Variants in NR5A2 observed in about 807,000 individuals in gnomAD.
NR5A2 encodes the protein nuclear receptor subfamily 5 group A member 2.
In NR5A2, 26 loss-of-function variants were observed where a neutral mutation model predicts 62.7. The ratio of observed to expected loss-of-function variants is 0.41; its 90% CI spans 0.30 to 0.58. NR5A2 has a LOEUF of 0.58. Among genes scored for constraint, NR5A2 ranks in the 20% least tolerant of loss-of-function variants. The pLI, the probability that NR5A2 is intolerant of heterozygous loss-of-function variation, is 0.22. For synonymous variants in NR5A2, 246 were observed against 241.7 expected (o/e 1.02, Z -0.16); for missense variants, 541 against 669.1 (o/e 0.81, Z 2.11).
chr1:200,118,023 T>TC (rs1402277839), intron 6 of NR5A2, among the ~76,000 whole-genome samples: 49 of 139,592 alleles, frequency 3.5e-4, no homozygotes, highest in Admixed American at 1.1e-3. Flanking sequence ...CTTTTTCTTT[T>TC]TTTTTTTTTT....
chr1:200,165,144 TG>T (rs1174562502), intron 7 of NR5A2, among the ~76,000 whole-genome samples: 2 of 152,174 alleles, frequency 1.3e-5, no homozygotes, highest in Non-Finnish European at 2.9e-5. Flanking sequence ...CCCAAAGTGC[TG>T]GGATTACAGG....
chr1:200,100,065 TCTG>T (rs1195119713), intron 5 of NR5A2, among the ~76,000 whole-genome samples: 4 of 152,240 alleles, frequency 2.6e-5, no homozygotes, highest in Admixed American at 6.5e-5. Flanking sequence ...TGAGAAGGAT[TCTG>T]TTTTTATTAC....
intron 7 of NR5A2, among the ~76,000 whole-genome samples, chr1:200,168,092 G>A (rs565180883): frequency 2.5e-4 from 38 of 152,134 alleles, no homozygotes; most frequent in African/African-American, 8.2e-4. Flanking sequence ...GTGTATACAC[G>A]AAGGTATGAA....
At chr1:200,095,767 T>C (rs1665065542) in intron 5 of NR5A2, among the ~76,000 whole-genome samples, 1 of 152,064 alleles carries the variant, frequency 6.6e-6, no homozygotes, top group Non-Finnish European at 1.5e-5. Context: ...TTAGCCAGGA[T>C]GGTGTCGATC....
chr1:200,133,550 CATATAT>C (rs1178773232), intron 7 of NR5A2, among the ~76,000 whole-genome samples: 2 of 45,752 alleles, frequency 4.4e-5, no homozygotes, highest in East Asian at 6.8e-4. Flanking sequence ...TATATATACA[CATATAT>C]ACACACATAT....
chr1:200,174,208 TAA>T lies in NR5A2; in HGVS notation c.1625_1626del (p.Ter542CysfsTer5), dbSNP rs1309886705. 1.9e-5 allele frequency: 30 copies of T among 1,587,604 alleles called. No individual in the cohort carries two copies. The highest frequency in any genetic ancestry group is 2.3e-5 in the Non-Finnish European group (27 of 1,165,364). ...TGAAATGTTGCATGCCAAAAGAGCA[TAA>T]GTTACAACCCCTAGGAGCTCTGCTT... ...LIEMLHAKRA[*>X] is the part of the protein sequence containing the mutation. On this transcript the variant is annotated frameshift_variant and stop_lost, in exon 8 of 8. Coordinates refer to ENST00000367362, the MANE Select transcript of NR5A2 (RefSeq NM_205860.3). LOFTEE classifies it high-confidence loss of function.
chr1:200,043,751 A>T (rs1470988222), intron 2 of NR5A2, 23 bp from the exon 3 acceptor site: 1 of 1,456,716 alleles, frequency 6.9e-7, no homozygotes, highest in Non-Finnish European at 9.6e-7. Context: ...GAATATGTGT[A>T]TACATTTCTC....
At chr1:200,038,116 A>T (rs1571695350) in intron 1 of NR5A2, among the ~76,000 whole-genome samples, 1 of 152,156 alleles carries the variant, frequency 6.6e-6, no homozygotes, top group African/African-American at 2.4e-5. Context: ...TTGGGAGGAG[A>T]TCTGAAAACT....
chr1:200,126,362 A>G (rs1159680919), intron 7 of NR5A2, among the ~76,000 whole-genome samples: 1 of 152,058 alleles, frequency 6.6e-6, no homozygotes, highest in Non-Finnish European at 1.5e-5. Flanking sequence ...TTTCTTAGTG[A>G]AGCAAAGTTC....
chr1:200,095,957 C>T (rs1329595951), intron 5 of NR5A2, among the ~76,000 whole-genome samples: 1 of 152,138 alleles, frequency 6.6e-6, no homozygotes, highest in Non-Finnish European at 1.5e-5. Context: ...TGCTTTGGTT[C>T]TCTAACTTGT....
chr1:200,098,848 C>T (rs1241523516), intron 5 of NR5A2, among the ~76,000 whole-genome samples: 2 of 152,160 alleles, frequency 1.3e-5, no homozygotes, highest in Non-Finnish European at 2.9e-5. Context: ...TCTTAGCATG[C>T]TATGTTTAGG....
chr1:200,068,801 T>C (rs1041417843), intron 5 of NR5A2, among the ~76,000 whole-genome samples: 3 of 152,184 alleles, frequency 2.0e-5, no homozygotes, highest in South Asian at 2.1e-4. Flanking sequence ...TTGTGTAGAA[T>C]ATCATTTGGG....
chr1:200,037,374 G>A lies in NR5A2; in HGVS notation c.65-2284G>A, dbSNP rs1661829223. Among the ~76,000 whole-genome samples the A allele has an allele frequency of 2.0e-5, 3 of 152,294 alleles. 1 individual carries two copies. The South Asian group carries it at 6.2e-4, about 32-fold the overall frequency. ...CTAGGGGTTGGAGGTTTCCTCTTAGGACCAAGCGTTTGGAGTCCTGCATCC... is the reference window on the plus strand; with the variant it reads ...CTAGGGGTTGGAGGTTTCCTCTTAGAACCAAGCGTTTGGAGTCCTGCATCC... On this transcript the variant is annotated intron_variant, in intron 1 of 7. Coordinates refer to ENST00000367362, the MANE Select transcript of NR5A2 (RefSeq NM_205860.3).
intron 7 of NR5A2, among the ~76,000 whole-genome samples, chr1:200,165,533 A>G (rs1483008619): frequency 6.6e-6 from 1 of 152,182 alleles, no homozygotes; most frequent in Non-Finnish European, 1.5e-5. Flanking sequence ...ACTACTGGCA[A>G]CCACCCATCT....
chr1:200,104,050 G>A (rs1163758119), intron 5 of NR5A2, among the ~76,000 whole-genome samples: 2 of 152,122 alleles, frequency 1.3e-5, no homozygotes, highest in African/African-American at 4.8e-5. Flanking sequence ...GTTAGGGGGA[G>A]GTCCTTTGTG....
In NR5A2 at chr1:200,043,656, A is replaced by G. The variant is rs1216529351; in HGVS notation, c.203-118A>G. 5 of 591,144 alleles carry G rather than the reference A, an allele frequency of 8.5e-6. No individual in the cohort carries two copies. In the East Asian group the frequency reaches 1.5e-4, roughly 17 times the overall value. 36.6% of individuals were successfully genotyped at this position (591,144 alleles called of 1,614,324 possible). On this transcript the variant is annotated intron_variant, in intron 2 of 7. Coordinates refer to ENST00000367362, the MANE Select transcript of NR5A2 (RefSeq NM_205860.3). Reference sequence around the variant, plus strand: ...TAAGACCTTGCTAAAAATTGTTTTTATTTTATATTTTACCATGTGATATTT... The same window carrying G: ...TAAGACCTTGCTAAAAATTGTTTTTGTTTTATATTTTACCATGTGATATTT...
intron 5 of NR5A2, among the ~76,000 whole-genome samples, chr1:200,092,732 T>C (rs1553271092): frequency 6.6e-6 from 1 of 151,984 alleles, no homozygotes; most frequent in Non-Finnish European, 1.5e-5. Flanking sequence ...AATAAATAAG[T>C]TGCTTTTCTA....
intron 7 of NR5A2, among the ~76,000 whole-genome samples, chr1:200,152,287 T>C (rs1653166748): frequency 6.6e-6 from 1 of 152,208 alleles, no homozygotes; most frequent in Non-Finnish European, 1.5e-5. Context: ...TCTTAACATG[T>C]GCAATGAATG....
intron 7 of NR5A2, among the ~76,000 whole-genome samples, chr1:200,124,917 A>T (rs970437461): frequency 5.9e-5 from 9 of 152,242 alleles, no homozygotes; most frequent in South Asian, 2.1e-4. Flanking sequence ...ATTAAAAAAT[A>T]AAAATAAACA....
Sources: allele counts gnomAD v4.1 joint callset (sites outside exome capture counted in the v4.1 genomes callset), GRCh38; gene constraint gnomAD v4.1.1; transcripts MANE v1.5; gene names NCBI Gene and HGNC (gene_info 2026-07-23, HGNC 2026-07-21).